The following CTNNA2 variants were observed in gnomAD, a reference collection of about 807,000 sequenced individuals.
CTNNA2 encodes the protein catenin alpha-2.
A neutral mutation model predicts 101.0 loss-of-function variants in CTNNA2; 42 were observed. The observed-to-expected ratio is 0.42, with a 90% confidence interval of 0.32 to 0.54. CTNNA2 has a LOEUF of 0.54. CTNNA2 is among the 20% of genes least tolerant of loss of function. The pLI, the probability that CTNNA2 is intolerant of heterozygous loss-of-function variation, is 0.14. For synonymous variants in CTNNA2, 450 were observed against 456.4 expected (o/e 0.99, Z 0.18); for missense variants, 871 against 1,223.1 (o/e 0.71, Z 4.29).
rs78111544 is a variant in CTNNA2, at chr2:80,356,304, A to C, written c.1057-36907A>C. The stretch of plus-strand genomic sequence containing the variant: ...AATGGAATCTGTATTTGCTTTGAAC[A>C]TAAACAGGGGCAGCAAGACATGGTA... On this transcript the variant is annotated intron_variant, in intron 7 of 18. Coordinates refer to ENST00000402739, the MANE Select transcript of CTNNA2 (RefSeq NM_001282597.3). 2.9e-4 allele frequency among the ~76,000 whole-genome samples: 44 copies of C among 152,304 alleles called. 1 individual carries two copies. The East Asian group carries it at 8.3e-3, about 29-fold the overall frequency.
chr2:80,360,843 T>A (rs1326361295), intron 7 of CTNNA2, among the ~76,000 whole-genome samples: 1 of 152,184 alleles, frequency 6.6e-6, no homozygotes, highest in Non-Finnish European at 1.5e-5. Flanking sequence ...ACCTGGAGTT[T>A]GTCGCTCTAA....
At chr2:80,282,446 A>G (rs2149162608) in intron 7 of CTNNA2, among the ~76,000 whole-genome samples, 1 of 152,212 alleles carries the variant, frequency 6.6e-6, no homozygotes, top group African/African-American at 2.4e-5. Context: ...AACATAGTAC[A>G]ACTCACATTT....
intron 4 of CTNNA2, among the ~76,000 whole-genome samples, chr2:79,866,238 C>A (rs1682088497): frequency 6.6e-6 from 1 of 152,176 alleles, no homozygotes; most frequent in African/African-American, 2.4e-5. Flanking sequence ...TTTCTTAACC[C>A]ACTAAATTGG....
rs147653931 is a variant in CTNNA2, at chr2:79,784,536, G to A, written c.298+39954G>A. Among the ~76,000 whole-genome samples the A allele has an allele frequency of 3.1e-3, 466 of 150,624 alleles. 2 individuals carry two copies. The highest frequency in any genetic ancestry group is 0.011 in the African/African-American group (441 of 40,960). ...ACATATCAAACTTAAGAAGTTCAAA[G>A]CCAAATTTCTGTTTTTTTCTCCCCA... On this transcript the variant is annotated intron_variant, in intron 3 of 18. Transcript: ENST00000402739.
intron 3 of CTNNA2, among the ~76,000 whole-genome samples, chr2:79,818,250 A>G (rs759611445): frequency 1.3e-5 from 2 of 152,186 alleles, no homozygotes; most frequent in African/African-American, 4.8e-5. Flanking sequence ...AAGATAGTGC[A>G]TAAATATTAT....
chr2:79,321,669 G>A (rs1041675402), intron 3 of CTNNA2, among the ~76,000 whole-genome samples: 1 of 152,132 alleles, frequency 6.6e-6, no homozygotes, highest in African/African-American at 2.4e-5. Flanking sequence ...GTGTTACACA[G>A]ACAAGAAGCG....
chr2:79,485,951 T>G lies in CTNNA2; in HGVS notation c.-134-19103T>G, dbSNP rs113326660. The stretch of plus-strand genomic sequence containing the variant: ...AACTCAGAGAACCTGATGATCTTTT[T>G]TGGATGACCATCGTGTAAGTGGAGA... On this transcript the variant is annotated intron_variant, in intron 4 of 21. Transcript: ENST00000466387. 4.2e-3 allele frequency among the ~76,000 whole-genome samples: 642 copies of G among 152,318 alleles called. 4 individuals are homozygous for G. The highest frequency in any genetic ancestry group is 0.014 in the African/African-American group (596 of 41,566).
At chr2:79,541,327 C>CTATA (rs10541674) in intron 1 of CTNNA2, among the ~76,000 whole-genome samples, 127 of 146,176 alleles carry the variant, frequency 8.7e-4, no homozygotes, top group Middle Eastern at 7.4e-3. Flanking sequence ...CACAGATATC[C>CTATA]TATATATATA....
At chr2:79,814,109 C>G (rs1389260592) in intron 3 of CTNNA2, among the ~76,000 whole-genome samples, 1 of 152,142 alleles carries the variant, frequency 6.6e-6, no homozygotes, top group Non-Finnish European at 1.5e-5. Context: ...AGGGGACCAC[C>G]CTAACCTACT....
chr2:80,002,305 A>AC (rs1431758597), intron 7 of CTNNA2, among the ~76,000 whole-genome samples: 1 of 152,196 alleles, frequency 6.6e-6, no homozygotes, highest in Non-Finnish European at 1.5e-5. Context: ...TTACTCTAAA[A>AC]GGAAAATTGA....
chr2:79,239,938 T>C (rs989032170), intron 2 of CTNNA2, among the ~76,000 whole-genome samples: 5 of 150,916 alleles, frequency 3.3e-5, no homozygotes, highest in African/African-American at 9.7e-5. Flanking sequence ...TTTTCTTTCT[T>C]TTTTTTTTTT....
At chr2:79,758,889 G>A (rs1368136475) in intron 3 of CTNNA2, among the ~76,000 whole-genome samples, 1 of 152,096 alleles carries the variant, frequency 6.6e-6, no homozygotes, top group Non-Finnish European at 1.5e-5. Context: ...CTTTTGAAAA[G>A]AAAACAAACA....
intron 4 of CTNNA2, among the ~76,000 whole-genome samples, chr2:79,395,512 T>G (rs758218768): frequency 2.0e-5 from 3 of 152,162 alleles, no homozygotes; most frequent in Non-Finnish European, 2.9e-5. Flanking sequence ...AGAAATAATG[T>G]GCAGAAGAGA....
chr2:80,311,787 GT>G (rs1490771955), intron 7 of CTNNA2, among the ~76,000 whole-genome samples: 18 of 152,162 alleles, frequency 1.2e-4, no homozygotes, highest in African/African-American at 4.3e-4. Flanking sequence ...AAGAAATCTT[GT>G]TTTTCATGGT....
chr2:79,789,355 T>A (rs759444032), intron 3 of CTNNA2, among the ~76,000 whole-genome samples: 3 of 152,130 alleles, frequency 2.0e-5, no homozygotes, highest in Non-Finnish European at 4.4e-5. Flanking sequence ...GATTTTAAAG[T>A]GCCAGAGGGA....
chr2:79,438,190 C>T (rs144147415), intron 4 of CTNNA2, among the ~76,000 whole-genome samples: 1 of 152,188 alleles, frequency 6.6e-6, no homozygotes, highest in Non-Finnish European at 1.5e-5. Context: ...TCTTGTGGGA[C>T]CCTGGCTGGC....
At chr2:79,744,758 G>A (rs2104993102) in intron 3 of CTNNA2, among the ~76,000 whole-genome samples, 176 bp downstream of exon 3, 1 of 152,120 alleles carries the variant, frequency 6.6e-6, no homozygotes, top group East Asian at 1.9e-4. Flanking sequence ...TATTTTCATT[G>A]TTGCAGTATG....
intron 4 of CTNNA2, among the ~76,000 whole-genome samples, chr2:79,452,241 A>T (rs1670764961): frequency 2.0e-5 from 3 of 152,212 alleles, no homozygotes; most frequent in Admixed American, 2.0e-4. Flanking sequence ...CAAGTTTCAC[A>T]TCAGTCTCTA....
intron 3 of CTNNA2, among the ~76,000 whole-genome samples, chr2:79,817,828 G>A (rs1369605272): frequency 6.6e-6 from 1 of 152,144 alleles, no homozygotes; most frequent in Non-Finnish European, 1.5e-5. Context: ...AATTGTTGTT[G>A]AGCTTTAAAG....
Sources: gnomAD v4.1 joint callset for allele counts (sites outside exome capture counted in the v4.1 genomes callset) on GRCh38, gnomAD v4.1.1 for gene constraint, MANE v1.5 for transcripts, NCBI Gene and HGNC (gene_info 2026-07-23, HGNC 2026-07-21) for gene names.